The following LRP1B variants were observed in gnomAD, a reference collection of about 807,000 sequenced individuals.
LRP1B encodes low-density lipoprotein receptor-related protein 1B.
LRP1B carries 217 observed loss-of-function variants against 556.6 expected under a neutral mutation model. The observed-to-expected ratio is 0.39, with a 90% CI of 0.35 to 0.44. The LOEUF (loss-of-function observed/expected upper bound fraction) is 0.44, where lower values mean the gene tolerates loss of function less well. Among genes scored for constraint, LRP1B ranks in the 20% least tolerant of loss-of-function variants. The probability of loss-of-function intolerance (pLI) is 1.00; values close to 1 mark genes in which losing one functional copy is unlikely to be tolerated. For missense variants in LRP1B, 5,053 were observed against 5,620.8 expected (o/e 0.90, Z 3.23); for synonymous variants, 2,047 against 1,865.8 (o/e 1.10, Z -2.50).
chr2:140,660,691 T>C (rs1349781292), intron 41 of LRP1B, among the ~76,000 whole-genome samples: 1 of 152,136 alleles, frequency 6.6e-6, no homozygotes, highest in Non-Finnish European at 1.5e-5. Flanking sequence ...CTTTCTTTTC[T>C]TTGTTTTATG....
intron 1 of LRP1B, among the ~76,000 whole-genome samples, chr2:142,069,095 T>C (rs765806596): frequency 6.6e-6 from 1 of 151,428 alleles, no homozygotes; most frequent in Non-Finnish European, 1.5e-5. Flanking sequence ...AATTATTAGG[T>C]CAGTATCTTA....
intron 7 of LRP1B, among the ~76,000 whole-genome samples, chr2:141,104,166 T>C (rs1422548559): frequency 1.3e-5 from 2 of 152,076 alleles, no homozygotes; most frequent in Non-Finnish European, 2.9e-5. Flanking sequence ...AATGTTTAGC[T>C]CCCACTTCTA....
chr2:140,518,864 C>G (rs558927805), intron 49 of LRP1B, among the ~76,000 whole-genome samples: 1 of 152,120 alleles, frequency 6.6e-6, no homozygotes, highest in Non-Finnish European at 1.5e-5. Flanking sequence ...TATACAATCA[C>G]GTCATCTGCA....
At chr2:140,352,475 A>G (rs925905745) in intron 76 of LRP1B, among the ~76,000 whole-genome samples, 3 of 152,128 alleles carry the variant, frequency 2.0e-5, no homozygotes, top group African/African-American at 7.2e-5. Context: ...CACCAGGCCT[A>G]TCATTTAATC....
At chr2:141,373,109 T>C (rs1028335015) in intron 3 of LRP1B, among the ~76,000 whole-genome samples, 1 of 152,156 alleles carries the variant, frequency 6.6e-6, no homozygotes, top group Non-Finnish European at 1.5e-5. Flanking sequence ...CCAGTTATCA[T>C]TCAAGAGCAT....
At chr2:141,184,912 T>C (rs939165891) in intron 7 of LRP1B, among the ~76,000 whole-genome samples, 1 of 151,980 alleles carries the variant, frequency 6.6e-6, no homozygotes, top group Admixed American at 6.6e-5. Flanking sequence ...CACTTTATTA[T>C]ATAATAGATT....
chr2:140,381,674 C>T (rs1683493949), intron 67 of LRP1B, among the ~76,000 whole-genome samples: 1 of 151,686 alleles, frequency 6.6e-6, no homozygotes, highest in Non-Finnish European at 1.5e-5. Flanking sequence ...ACCAGTCTGG[C>T]CAACATGGTG....
chr2:140,813,460 T>G (rs1690996970), intron 32 of LRP1B, among the ~76,000 whole-genome samples, 197 bp downstream of exon 32: 1 of 152,198 alleles, frequency 6.6e-6, no homozygotes. Flanking sequence ...TAACACTAAG[T>G]TTCTGATCTG....
intron 35 of LRP1B, among the ~76,000 whole-genome samples, chr2:140,746,739 C>CT (rs1199872611): frequency 6.6e-6 from 1 of 151,864 alleles, no homozygotes; most frequent in Non-Finnish European, 1.5e-5. Flanking sequence ...TTGTTAAAGG[C>CT]TTTTAGTCAG....
chr2:141,608,281 T>C (rs1687987989), intron 2 of LRP1B, among the ~76,000 whole-genome samples: 1 of 152,210 alleles, frequency 6.6e-6, no homozygotes, highest in Admixed American at 6.5e-5. Context: ...ATATACTGCA[T>C]GGTTTTTGGC....
intron 2 of LRP1B, among the ~76,000 whole-genome samples, chr2:141,553,563 C>T (rs575225375): frequency 1.3e-5 from 2 of 150,618 alleles, no homozygotes; most frequent in East Asian, 3.9e-4. Context: ...TTTAACATTG[C>T]TTCACCATGT....
chr2:140,894,514 T>C (rs1473578706), intron 23 of LRP1B, among the ~76,000 whole-genome samples: 1 of 129,098 alleles, frequency 7.7e-6, no homozygotes, highest in Non-Finnish European at 1.8e-5. Context: ...TAAGTTGAGG[T>C]TGTGAGCCCT....
At chr2:140,398,444 A>C (rs1684348083) in intron 66 of LRP1B, among the ~76,000 whole-genome samples, 2 of 152,150 alleles carry the variant, frequency 1.3e-5, no homozygotes, top group South Asian at 4.1e-4. Context: ...ACACACACAA[A>C]CACATACACT....
At chr2:141,414,044 T>C (rs1018363976) in intron 3 of LRP1B, among the ~76,000 whole-genome samples, 5 of 152,058 alleles carry the variant, frequency 3.3e-5, no homozygotes, top group Non-Finnish European at 4.4e-5. Flanking sequence ...GAGACCATCC[T>C]AGCTAAGACG....
rs180738068 is a variant in LRP1B, at chr2:142,009,518, C to T, written c.82+121130G>A. On this transcript the variant is annotated intron_variant, in intron 1 of 90. Transcript: ENST00000389484. ...GGTGCTAGGCCTTCAGATTTTTGCACGTGTTGTATGGGATCCTCTCACTCA... is the reference window on the plus strand; with the variant it reads ...GGTGCTAGGCCTTCAGATTTTTGCATGTGTTGTATGGGATCCTCTCACTCA... Among the ~76,000 whole-genome samples, 767 of 152,040 alleles carry T rather than the reference C, an allele frequency of 5.0e-3. 6 individuals carry two copies. The highest frequency in any genetic ancestry group is 0.017 in the African/African-American group (722 of 41,512).
intron 1 of LRP1B, among the ~76,000 whole-genome samples, chr2:141,955,835 C>T (rs1249246007): frequency 1.3e-5 from 2 of 151,986 alleles, no homozygotes; most frequent in African/African-American, 4.8e-5. Flanking sequence ...TGACCTTAGC[C>T]CTGGGATACT....
At chr2:140,254,704 C>T (rs1044222021) in intron 86 of LRP1B, among the ~76,000 whole-genome samples, 1 of 152,170 alleles carries the variant, frequency 6.6e-6, no homozygotes, top group South Asian at 2.1e-4. Flanking sequence ...CAGGCACTTG[C>T]CACCACACCC....
intron 56 of LRP1B, among the ~76,000 whole-genome samples, chr2:140,492,901 AT>A (rs1183021107): frequency 6.6e-6 from 1 of 152,166 alleles, no homozygotes; most frequent in Non-Finnish European, 1.5e-5. Context: ...AATTTAGAAA[AT>A]TCTAAGTGCA....
At chr2:140,627,071 C>A (rs1192088034) in intron 41 of LRP1B, among the ~76,000 whole-genome samples, 3 of 152,124 alleles carry the variant, frequency 2.0e-5, no homozygotes, top group South Asian at 4.1e-4. Flanking sequence ...GTCCTAGCTG[C>A]CTTTTTGGAC....
Sources: allele counts gnomAD v4.1 joint callset (sites outside exome capture counted in the v4.1 genomes callset), GRCh38; gene constraint gnomAD v4.1.1; transcripts MANE v1.5; gene names NCBI Gene and HGNC (gene_info 2026-07-23, HGNC 2026-07-21).